The following SIL1 variants were observed in gnomAD, a reference collection of about 807,000 sequenced individuals.
The protein encoded by SIL1 is SIL1 nucleotide exchange factor, also known as nucleotide exchange factor SIL1.
In SIL1, 40 loss-of-function variants were observed where a neutral mutation model predicts 49.1. That is an observed-to-expected ratio of 0.81 (90% confidence interval 0.63 to 1.06). The LOEUF is 1.06. Among genes scored for constraint, SIL1 ranks in the 50% least tolerant of loss-of-function variants. The probability of loss-of-function intolerance (pLI) is 0.00; values close to 1 mark genes in which losing one functional copy is unlikely to be tolerated. For synonymous variants in SIL1, 253 were observed against 250.8 expected (o/e 1.01, Z -0.08); for missense variants, 500 against 572.6 (o/e 0.87, Z 1.29).
At chr5:139,030,880 T>C in intron 5 of SIL1, among the ~76,000 whole-genome samples, 1 of 152,168 alleles carries the variant, frequency 6.6e-6, no homozygotes, top group East Asian at 1.9e-4. Context: ...TATATACTTA[T>C]AACCAATAGC....
rs534819027 is a variant in SIL1 at position 139,109,695 on chromosome 5, T to TAA, written c.244+11338_244+11339dup. ...CAAAGCACCTAGCACAAGGGGATGTTAAAAAAAAAAAAAAAAAAAGCAGTT... is the reference window on the plus strand; with the variant it reads ...CAAAGCACCTAGCACAAGGGGATGTTAAAAAAAAAAAAAAAAAAAAAGCAGTT... On this transcript the variant is annotated intron_variant, in intron 3 of 9. Coordinates refer to ENST00000394817, the MANE Select transcript of SIL1 (RefSeq NM_022464.5). 3.4e-3 allele frequency among the ~76,000 whole-genome samples: 414 copies of TAA among 121,538 alleles called. 2 individuals are homozygous for TAA. Among genetic ancestry groups the TAA allele is most frequent in the South Asian group, 7.1e-3 (26 of 3,678 alleles). The allele number at this position is 121,538 out of a possible 152,430, so 79.7% of individuals were successfully genotyped here.
intron 1 of SIL1, among the ~76,000 whole-genome samples, chr5:139,134,711 G>A (rs1278867953): frequency 6.6e-6 from 1 of 152,206 alleles, no homozygotes; most frequent in Non-Finnish European, 1.5e-5. Flanking sequence ...CCCACTCAGT[G>A]CTTTTCCTAG....
At chr5:139,106,131 GAGCAAAGGTAT>G (rs2151785198) in intron 3 of SIL1, among the ~76,000 whole-genome samples, 1 of 152,300 alleles carries the variant, frequency 6.6e-6, no homozygotes, top group South Asian at 2.1e-4. Context: ...GCTCTAGCCT[GAGCAAAGGTAT>G]AGCAAAAGGC....
chr5:139,116,880 C>T (rs1771002136), intron 3 of SIL1, among the ~76,000 whole-genome samples: 2 of 152,222 alleles, frequency 1.3e-5, no homozygotes, highest in African/African-American at 2.4e-5. Flanking sequence ...TTGTTTCATT[C>T]TTACATCATC....
chr5:139,005,518 T>C (rs553322896), intron 7 of SIL1, among the ~76,000 whole-genome samples: 30 of 145,632 alleles, frequency 2.1e-4, no homozygotes, highest in Admixed American at 1.6e-3. Context: ...TAGTTACATA[T>C]GTATACATGT....
chr5:139,137,502 T>C, intron 1 of SIL1: 2 of 525,530 alleles, frequency 3.8e-6, no homozygotes, highest in Non-Finnish European at 3.4e-6. Context: ...AAAAGGCACA[T>C]TTTGTGTCAG....
At chr5:139,128,754 T>C (rs1183440895) in intron 1 of SIL1, among the ~76,000 whole-genome samples, 1 of 152,062 alleles carries the variant, frequency 6.6e-6, no homozygotes, top group Non-Finnish European at 1.5e-5. Context: ...CAAAGCAACA[T>C]ACAGATTCAG....
rs10700186 is a variant in SIL1, at chr5:139,192,074, CA to C, written c.-11+6194del. On this transcript the variant is annotated intron_variant, in intron 1 of 9. Transcript: ENST00000394817. ...TGGGCAACAGAGCAAGATGCTGTCT[CA>C]AAAAAAAAAAAAAAAAAAAAAATCC... 6.7e-3 allele frequency among the ~76,000 whole-genome samples: 452 copies of C among 67,200 alleles called. 1 individual carries two copies. Among genetic ancestry groups the C allele is most frequent in the African/African-American group, 0.017 (264 of 15,632 alleles). 44.1% of individuals were successfully genotyped at this position (67,200 alleles called of 152,430 possible).
At chr5:139,081,378 C>A (rs1770074628) in intron 3 of SIL1, among the ~76,000 whole-genome samples, 1 of 152,100 alleles carries the variant, frequency 6.6e-6, no homozygotes, top group Non-Finnish European at 1.5e-5. Flanking sequence ...CCTTAGCCTC[C>A]CAAGTAGCTA....
chr5:139,001,115 AG>A (rs752953268), intron 7 of SIL1, among the ~76,000 whole-genome samples: 37 of 151,802 alleles, frequency 2.4e-4, no homozygotes, highest in Non-Finnish European at 5.0e-4. Context: ...TATAGTAGTC[AG>A]GAAAGAGTAA....
chr5:139,051,147 G>T, intron 3 of SIL1, 101 bp from the exon 4 acceptor site: 2 of 1,017,622 alleles, frequency 2.0e-6, no homozygotes, highest in Non-Finnish European at 3.1e-6. Context: ...ATGAAGACAC[G>T]ACTCAGCTGT....
chr5:139,063,481 A>C, intron 3 of SIL1, among the ~76,000 whole-genome samples: 1 of 152,240 alleles, frequency 6.6e-6, no homozygotes, highest in Non-Finnish European at 1.5e-5. Flanking sequence ...TGTTCCTCCA[A>C]GAAACCAAAG....
At chr5:139,086,734 T>C (rs952627160) in intron 3 of SIL1, among the ~76,000 whole-genome samples, 1 of 151,164 alleles carries the variant, frequency 6.6e-6, no homozygotes, top group Non-Finnish European at 1.5e-5. Flanking sequence ...GGGGCTGAGG[T>C]GGATCACTTG....
intron 3 of SIL1, among the ~76,000 whole-genome samples, chr5:139,113,268 G>T (rs1465441057): frequency 6.6e-6 from 1 of 151,034 alleles, no homozygotes; most frequent in Non-Finnish European, 1.5e-5. Context: ...ATCCCCCTCT[G>T]CGAGAAACAC....
At position 139,170,954 on chromosome 5, in the gene SIL1, G is replaced by A. The variant is rs1445866424; in HGVS notation, c.-11+27315C>T. ...CGCCCCGTCCGGGAGGGAGGTGGGG[G>A]GGTCAGTCCCCCGCCCGGCCAGCCG... is the stretch of plus-strand genomic sequence containing the variant. On this transcript the variant is annotated intron_variant, in intron 1 of 9. Transcript: ENST00000394817. 7.5e-5 allele frequency among the ~76,000 whole-genome samples: 11 copies of A among 147,006 alleles called. No homozygotes were observed. In the South Asian group the frequency reaches 2.4e-3, roughly 32 times the overall value.
At chr5:139,072,542 A>T (rs1744829055) in intron 3 of SIL1, among the ~76,000 whole-genome samples, 1 of 152,202 alleles carries the variant, frequency 6.6e-6, no homozygotes, top group Non-Finnish European at 1.5e-5. Flanking sequence ...TTTGTCATAT[A>T]CCATATGCAA....
At chr5:139,155,443 C>CAGAGGGAGAGAGAGAGAGAGAGAGAGAG (rs1554136147) in intron 1 of SIL1, 4 of 68,090 alleles carry the variant, frequency 5.9e-5, no homozygotes, top group Admixed American at 1.4e-4. Context: ...CACACGTACA[C>CAGAGGGAGAGAGAGAGAGAGAGAGAGAG]AGAGTGAGAG....
intron 5 of SIL1, among the ~76,000 whole-genome samples, chr5:139,032,605 A>C (rs143447526): frequency 9.2e-5 from 14 of 152,272 alleles, no homozygotes; most frequent in African/African-American, 3.4e-4. Context: ...CCTCCCTCTT[A>C]CATTTTCTGG....
At chr5:139,146,320 GC>G (rs1203718211) in intron 1 of SIL1, among the ~76,000 whole-genome samples, 2 of 152,030 alleles carry the variant, frequency 1.3e-5, no homozygotes, top group Non-Finnish European at 2.9e-5. Flanking sequence ...ACTTTAGGAG[GC>G]CAAGGTGAGA....
Sources: allele counts gnomAD v4.1 joint callset (sites outside exome capture counted in the v4.1 genomes callset), GRCh38; gene constraint gnomAD v4.1.1; transcripts MANE v1.5; gene names NCBI Gene and HGNC (gene_info 2026-07-23, HGNC 2026-07-21).